Variants in TVP23C observed in about 807,000 individuals in gnomAD.
TVP23C encodes trans-golgi network vesicle protein 23 homolog C.
A neutral mutation model predicts 28.7 loss-of-function variants in TVP23C; 19 were observed. That is an observed-to-expected ratio of 0.66 (90% CI 0.46 to 0.97). The LOEUF (loss-of-function observed/expected upper bound fraction) is 0.97. Ranked by LOEUF, TVP23C falls within the 50% of genes least tolerant of loss-of-function variation. TVP23C has a pLI of 0.00. For synonymous variants in TVP23C, 68 were observed against 81.7 expected, an observed-to-expected ratio of 0.83 and a Z score of 0.90; for missense variants, 186 against 241.3, an observed-to-expected ratio of 0.77 and a Z score of 1.52.
At chr17:15,544,664 A>G (rs1373375714) in intron 5 of TVP23C, among the ~76,000 whole-genome samples, 2 of 152,154 alleles carry the variant, frequency 1.3e-5, no homozygotes, top group African/African-American at 4.8e-5. Context: ...CATTTTCCAG[A>G]GCAGGAACTC....
At chr17:15,536,462 A>G (rs1350910502), downstream of TVP23C, among the ~76,000 whole-genome samples, 8 of 152,186 alleles carry the variant, frequency 5.3e-5, no homozygotes, top group Admixed American at 5.2e-4. Context: ...AATAAAATCT[A>G]GGAAAAGTTT....
At chr17:15,506,301 T>G (rs982385464) in intron 5 of TVP23C, among the ~76,000 whole-genome samples, 1 of 152,216 alleles carries the variant, frequency 6.6e-6, no homozygotes, top group Non-Finnish European at 1.5e-5. Context: ...AGAACCTTTA[T>G]GTCTAGCTCA....
intron 3 of TVP23C, among the ~76,000 whole-genome samples, 185 bp downstream of exon 3, chr17:15,553,500 T>G (rs1410062143): frequency 6.7e-6 from 1 of 148,496 alleles, no homozygotes; most frequent in East Asian, 1.9e-4. Flanking sequence ...TGTCTCATCT[T>G]GTATTGTCAA....
Position 15,553,756 on chromosome 17 carries a change from G to A in TVP23C, c.169C>T (p.Leu57Phe). ...ATACAGGTAATAAAGCTGCTGCTGA[G>A]CAACTCACAGAGAAGACAGACGATG... Reference protein sequence around the residue: ...AIIVCLLCELLSSSFITCMVT... With the variant: ...AIIVCLLCELFSSSFITCMVT... The change falls in exon 3 of 6, where the codon CTC (leucine) becomes TTC (phenylalanine). Residue 57 changes from leucine (L) to phenylalanine (F), a missense_variant. This residue lies in a region of TVP23C where 92 missense variants were observed against 94.3 expected (regional missense o/e 0.98). Coordinates refer to ENST00000518321, the MANE Select transcript of TVP23C (RefSeq NM_001135036.2). The A allele has an allele frequency of 1.2e-6, 2 of 1,613,890 alleles. No homozygotes were observed. The highest frequency in any genetic ancestry group is 2.7e-5 in the African/African-American group (2 of 75,014).
chr17:15,553,512 G>C (rs1983985592), intron 3 of TVP23C, among the ~76,000 whole-genome samples, 173 bp downstream of exon 3: 1 of 124,492 alleles, frequency 8.0e-6, no homozygotes, highest in African/African-American at 3.0e-5. Flanking sequence ...TATTGTCAAA[G>C]GGAAAAAATG....
At chr17:15,510,667 T>C (rs1412801392) in intron 5 of TVP23C, among the ~76,000 whole-genome samples, 1 of 152,186 alleles carries the variant, frequency 6.6e-6, no homozygotes, top group East Asian at 1.9e-4. Flanking sequence ...ATAACTACCA[T>C]TTACCAAGTT....
intron 3 of TVP23C, among the ~76,000 whole-genome samples, chr17:15,550,236 T>C (rs901811669): frequency 1.3e-5 from 2 of 152,242 alleles, no homozygotes; most frequent in African/African-American, 4.8e-5. Context: ...ACCATTAAGG[T>C]ATAAATAACT....
intron 4 of TVP23C, among the ~76,000 whole-genome samples, chr17:15,546,410 T>G (rs1476871238): frequency 3.3e-5 from 5 of 152,074 alleles, no homozygotes; most frequent in Non-Finnish European, 7.4e-5. Context: ...CAAGGTAGAT[T>G]CCATAATATA....
chr17:15,544,994 A>T (rs1237858910), intron 5 of TVP23C, among the ~76,000 whole-genome samples: 1 of 152,228 alleles, frequency 6.6e-6, no homozygotes, highest in Non-Finnish European at 1.5e-5. Context: ...AAGAAAAAAC[A>T]ATATGAGATA....
intron 5 of TVP23C, among the ~76,000 whole-genome samples, chr17:15,526,660 T>C (rs1166236473): frequency 1.3e-5 from 2 of 152,226 alleles, no homozygotes; most frequent in African/African-American, 2.4e-5. Flanking sequence ...ACCAAGTAAA[T>C]TGGCTGCTCC....
chr17:15,515,056 AAC>A (rs908078406), intron 5 of TVP23C, among the ~76,000 whole-genome samples: 2 of 152,110 alleles, frequency 1.3e-5, no homozygotes, highest in African/African-American at 4.8e-5. Context: ...GGGTACCGGA[AAC>A]ACAGCTGCCA....
At chr17:15,519,856 C>T (rs111321444) in intron 5 of TVP23C, among the ~76,000 whole-genome samples, 1 of 152,134 alleles carries the variant, frequency 6.6e-6, no homozygotes, top group Non-Finnish European at 1.5e-5. Flanking sequence ...GAGCCGAGAT[C>T]GCGCCACTGC....
intron 5 of TVP23C, among the ~76,000 whole-genome samples, chr17:15,519,609 TA>T (rs1302935038): frequency 3.3e-5 from 5 of 152,180 alleles, no homozygotes; most frequent in African/African-American, 1.2e-4. Context: ...CAACATGCCT[TA>T]AAAGTACTGT....
intron 5 of TVP23C, among the ~76,000 whole-genome samples, chr17:15,541,233 T>G (rs930442474): frequency 1.3e-5 from 2 of 152,200 alleles, no homozygotes; most frequent in African/African-American, 4.8e-5. Flanking sequence ...AAATTTCTAA[T>G]TAATCTTAAT....
intron 5 of TVP23C, among the ~76,000 whole-genome samples, chr17:15,520,104 T>A (rs1363730605): frequency 6.6e-6 from 1 of 150,490 alleles, no homozygotes; most frequent in East Asian, 1.9e-4. Context: ...TGAGGAAGGC[T>A]GCCCACTCCA....
intron 4 of TVP23C, 56 bp from the exon 5 acceptor site, chr17:15,545,972 C>A: frequency 6.3e-7 from 1 of 1,579,174 alleles, no homozygotes. Flanking sequence ...ATAAAAAGTT[C>A]AACATATTTA....
chr17:15,548,100 A>T lies in TVP23C; in HGVS notation c.241-952T>A, dbSNP rs368275742. On this transcript the variant is annotated intron_variant, in intron 3 of 5. Transcript: ENST00000518321. ...CCCTGACACAATAGAAATCACAGGCATTTTTTTATTTTGTACTATATTTGC... is the reference window on the plus strand; with the variant it reads ...CCCTGACACAATAGAAATCACAGGCTTTTTTTTATTTTGTACTATATTTGC... 6.6e-5 allele frequency among the ~76,000 whole-genome samples: 10 copies of T among 151,782 alleles called. No homozygotes were observed. In the East Asian group the frequency reaches 1.2e-3, roughly 18 times the overall value.
downstream of TVP23C, among the ~76,000 whole-genome samples, chr17:15,532,111 A>G (rs1982972600): frequency 6.6e-6 from 1 of 152,186 alleles, no homozygotes. Flanking sequence ...CTGACTTTCT[A>G]GCTCCCAAGA....
At chr17:15,533,143 A>G (rs1282154105), downstream of TVP23C, among the ~76,000 whole-genome samples, 2 of 152,000 alleles carry the variant, frequency 1.3e-5, no homozygotes, top group Non-Finnish European at 2.9e-5. Context: ...ATTCTAAAAC[A>G]CAAACAATAT....
Sources: allele counts gnomAD v4.1 joint callset (sites outside exome capture counted in the v4.1 genomes callset), GRCh38; gene constraint gnomAD v4.1.1; regional missense constraint gnomAD v4.1.1; transcripts MANE v1.5; gene names NCBI Gene and HGNC (gene_info 2026-07-23, HGNC 2026-07-21).